Variants in DIP2B observed in about 807,000 individuals in gnomAD.
The protein encoded by DIP2B is DIP2 acetate--CoA ligase B (putative).
A neutral mutation model predicts 198.0 loss-of-function variants in DIP2B; 76 were observed. The observed-to-expected ratio is 0.38, with a 90% CI of 0.32 to 0.46. The LOEUF is 0.46. DIP2B is among the 20% of genes least tolerant of loss of function. DIP2B has a pLI of 0.99. For missense variants in DIP2B, 1,559 were observed against 1,978.4 expected (o/e 0.79, Z 4.02); for synonymous variants, 701 against 739.1 (o/e 0.95, Z 0.84).
chr12:50,732,586 G>A (rs1054989966), intron 32 of DIP2B, 50 bp downstream of exon 32: 7 of 1,600,584 alleles, frequency 4.4e-6, no homozygotes, highest in African/African-American at 1.3e-5. Flanking sequence ...GGAATATGGA[G>A]TATCCCAGAG....
chr12:50,520,711 T>C (rs903565674), intron 1 of DIP2B, among the ~76,000 whole-genome samples: 4 of 152,238 alleles, frequency 2.6e-5, no homozygotes, highest in African/African-American at 7.2e-5. Flanking sequence ...AGTTAGGAAA[T>C]TATTATTTGC....
At chr12:50,738,694 G>A (rs1940181866) in intron 35 of DIP2B, among the ~76,000 whole-genome samples, 1 of 152,064 alleles carries the variant, frequency 6.6e-6, no homozygotes, top group African/African-American at 2.4e-5. Context: ...TGGCCAGGCT[G>A]GTCTTGAACT....
Position 50,706,813 on chromosome 12 carries a change from T to C in DIP2B, c.2534+148T>C, listed in dbSNP as rs192991789. On this transcript the variant is annotated intron_variant, in intron 21 of 37. Transcript: ENST00000301180. The stretch of plus-strand genomic sequence containing the variant: ...ATTGCATAAGCCTGGCTTTTTTTTT[T>C]CTTCTTCTTCTTCTTAGCCTGGCTT... 966 of 553,116 alleles carry C rather than the reference T, an allele frequency of 1.7e-3. 8 individuals carry two copies. Among genetic ancestry groups the C allele is most frequent in the African/African-American group, 0.017 (887 of 51,286 alleles). The allele number at this position is 553,116 out of a possible 1,614,324, so 34.3% of individuals were successfully genotyped here. A position where few individuals can be genotyped will look rare whatever the true frequency, so the allele number is the denominator to read the frequency against.
At chr12:50,609,976 C>A (rs1959017722) in intron 1 of DIP2B, among the ~76,000 whole-genome samples, 2 of 152,236 alleles carry the variant, frequency 1.3e-5, no homozygotes, top group South Asian at 4.2e-4. Flanking sequence ...AATCATATTC[C>A]AAATTCACAA....
intron 2 of DIP2B, among the ~76,000 whole-genome samples, chr12:50,637,531 C>CT (rs1938181419): frequency 6.6e-6 from 1 of 152,202 alleles, no homozygotes; most frequent in South Asian, 2.1e-4. Context: ...CCCTGAAACT[C>CT]TAATACAAGT....
At chr12:50,520,035 CTTTTTT>C (rs35179881) in intron 1 of DIP2B, among the ~76,000 whole-genome samples, 2 of 100,560 alleles carry the variant, frequency 2.0e-5, no homozygotes, top group Non-Finnish European at 3.9e-5. Context: ...ATTGAATCTC[CTTTTTT>C]TTTTTTTTTT....
intron 1 of DIP2B, among the ~76,000 whole-genome samples, chr12:50,506,959 G>A (rs761274883): frequency 2.0e-5 from 3 of 152,158 alleles, no homozygotes; most frequent in Non-Finnish European, 2.9e-5. Flanking sequence ...AATCCTGGAA[G>A]CTCCTTATTC....
At chr12:50,596,038 A>G (rs999485279) in intron 1 of DIP2B, among the ~76,000 whole-genome samples, 3 of 152,188 alleles carry the variant, frequency 2.0e-5, no homozygotes, top group Non-Finnish European at 4.4e-5. Flanking sequence ...TACTTTGCCA[A>G]TAGGTGCTCC....
intron 20 of DIP2B, among the ~76,000 whole-genome samples, chr12:50,705,959 A>G (rs1480481609): frequency 6.6e-6 from 1 of 152,232 alleles, no homozygotes; most frequent in African/African-American, 2.4e-5. Context: ...TTATTTATAC[A>G]GTGATGCTTT....
intron 3 of DIP2B, among the ~76,000 whole-genome samples, chr12:50,645,199 G>A (rs1938328844): frequency 6.6e-6 from 1 of 152,138 alleles, no homozygotes. Flanking sequence ...TGTCTTAAAA[G>A]TAATAGCCCA....
chr12:50,620,152 C>T (rs557508781), intron 1 of DIP2B, among the ~76,000 whole-genome samples: 8 of 152,348 alleles, frequency 5.3e-5, no homozygotes, highest in African/African-American at 1.9e-4. Flanking sequence ...TTCACCACAG[C>T]AGTGTCACCC....
chr12:50,714,429 G>T lies in DIP2B; in HGVS notation c.2684G>T (p.Cys895Phe). The change falls in exon 23 of 38, where the codon TGT becomes TTT. Residue 895 changes from cysteine (C) to phenylalanine (F), a missense_variant. Physicochemically the swap from Cys to Phe is radical, Grantham distance 205. Coordinates refer to ENST00000301180, the MANE Select transcript of DIP2B (RefSeq NM_173602.3). ...IDSIHQVGVY[C>F]LALVPANTLP... ...AGCATTCATCAAGTGGGGGTTTATT[G>T]TCTTGCTCTGGTGCCAGCCAATACA... 6.2e-7 allele frequency: 1 copy of T among 1,614,142 alleles called. No homozygotes were observed. Among genetic ancestry groups the T allele is most frequent in the Non-Finnish European group, 8.5e-7 (1 of 1,180,030 alleles).
In DIP2B at chr12:50,554,759, T is replaced by TC. The variant is rs555075210; in HGVS notation, c.100+49527dup. Among the ~76,000 whole-genome samples the TC allele has an allele frequency of 6.9e-3, 1,033 of 149,210 alleles. 24 individuals are homozygous for TC. The highest frequency in any genetic ancestry group is 0.057 in the Admixed American group (823 of 14,546). On this transcript the variant is annotated intron_variant, in intron 1 of 37. Transcript: ENST00000301180. Reference sequence around the variant, plus strand: ...GCATCTCTGAAAGACATCTCGCCGCTCCCCCCCCGCCCCTTTTTTTTTCTT... The same window carrying TC: ...GCATCTCTGAAAGACATCTCGCCGCTCCCCCCCCCGCCCCTTTTTTTTTCTT...
At chr12:50,522,111 C>G (rs1958125880) in intron 1 of DIP2B, among the ~76,000 whole-genome samples, 1 of 152,154 alleles carries the variant, frequency 6.6e-6, no homozygotes, top group South Asian at 2.1e-4. Context: ...AGTGATTCCC[C>G]TGCCTCAGCC....
At chr12:50,531,447 G>A (rs1187636756) in intron 1 of DIP2B, among the ~76,000 whole-genome samples, 1 of 152,216 alleles carries the variant, frequency 6.6e-6, no homozygotes. Flanking sequence ...AGAGGTCAGA[G>A]GGGTATGAGT....
chr12:50,622,674 T>C (rs986144387), intron 1 of DIP2B, among the ~76,000 whole-genome samples: 2 of 152,164 alleles, frequency 1.3e-5, no homozygotes, highest in Admixed American at 1.3e-4. Flanking sequence ...AGCGGTGTGA[T>C]CTCAGCTCAC....
Position 50,606,470 on chromosome 12 carries a change from T to G in DIP2B, c.101-19506T>G, listed in dbSNP as rs551447927. ...AATATTGCGAGGATATACCATGTTTTATTTATCCATTCATCAGTTGATGGA... is the reference window on the plus strand; with the variant it reads ...AATATTGCGAGGATATACCATGTTTGATTTATCCATTCATCAGTTGATGGA... On this transcript the variant is annotated intron_variant, in intron 1 of 37. Transcript: ENST00000301180. Among the ~76,000 whole-genome samples, 61 of 152,338 alleles carry G rather than the reference T, an allele frequency of 4.0e-4. 1 individual carries two copies. The highest frequency in any genetic ancestry group is 1.0e-3 in the South Asian group (5 of 4,834).
chr12:50,638,494 TC>T (rs1254427657), intron 2 of DIP2B, among the ~76,000 whole-genome samples: 2 of 152,258 alleles, frequency 1.3e-5, no homozygotes, highest in African/African-American at 4.8e-5. Context: ...ATCTGCATAG[TC>T]TACATATTTT....
intron 3 of DIP2B, among the ~76,000 whole-genome samples, chr12:50,651,498 T>G (rs1938452623): frequency 6.6e-6 from 1 of 152,188 alleles, no homozygotes; most frequent in Non-Finnish European, 1.5e-5. Context: ...TGAGTCAATT[T>G]TTGTATATCA....
Sources: gnomAD v4.1 joint callset for allele counts (sites outside exome capture counted in the v4.1 genomes callset) on GRCh38, gnomAD v4.1.1 for gene constraint, MANE v1.5 for transcripts, NCBI Gene and HGNC (gene_info 2026-07-23, HGNC 2026-07-21) for gene names.